Variants in DENND1A observed in about 807,000 individuals in gnomAD.
DENND1A encodes DENN domain containing 1A.
A neutral mutation model predicts 113.7 loss-of-function variants in DENND1A; 51 were observed. That is an observed-to-expected ratio of 0.45 (90% CI 0.36 to 0.57). The LOEUF (loss-of-function observed/expected upper bound fraction) is 0.57. Ranked by LOEUF, DENND1A falls within the 20% of genes least tolerant of loss-of-function variation. DENND1A has a pLI of 0.00. For synonymous variants in DENND1A, 565 were observed against 570.8 expected, an observed-to-expected ratio of 0.99 and a Z score of 0.14; for missense variants, 1,258 against 1,395.9, an observed-to-expected ratio of 0.90 and a Z score of 1.57.
chr9:123,488,765 G>T (rs183198890), intron 13 of DENND1A, among the ~76,000 whole-genome samples: 3 of 152,298 alleles, frequency 2.0e-5, no homozygotes, highest in Admixed American at 2.0e-4. Context: ...TCCTCTGGGG[G>T]AGAGATGCTC....
intron 5 of DENND1A, among the ~76,000 whole-genome samples, chr9:123,682,917 C>A (rs2064562373): frequency 6.6e-6 from 1 of 152,140 alleles, no homozygotes; most frequent in African/African-American, 2.4e-5. Context: ...ATGTGGTCAA[C>A]CAGAATGGGC....
intron 13 of DENND1A, among the ~76,000 whole-genome samples, chr9:123,557,339 T>C (rs1310493297): frequency 1.3e-5 from 2 of 152,116 alleles, no homozygotes; most frequent in East Asian, 1.9e-4. Context: ...TCTAGGGTGG[T>C]GCACAGGGCA....
intron 5 of DENND1A, among the ~76,000 whole-genome samples, chr9:123,698,676 G>A (rs1031256978): frequency 2.0e-5 from 3 of 152,146 alleles, no homozygotes; most frequent in Non-Finnish European, 2.9e-5. Context: ...CCTTAGATTC[G>A]TTCCCCAGAA....
intron 12 of DENND1A, among the ~76,000 whole-genome samples, chr9:123,563,872 A>G (rs994027125): frequency 5.9e-5 from 9 of 152,160 alleles, no homozygotes; most frequent in African/African-American, 2.2e-4. Flanking sequence ...AACCTGGGAT[A>G]TTCTTTATCG....
intron 21 of DENND1A, among the ~76,000 whole-genome samples, chr9:123,394,294 C>G (rs1179838840): frequency 6.6e-6 from 1 of 152,116 alleles, no homozygotes; most frequent in Non-Finnish European, 1.5e-5. Context: ...TAATCCTGAG[C>G]ATGGGAGAGG....
intron 5 of DENND1A, among the ~76,000 whole-genome samples, chr9:123,700,858 A>C (rs2065844712): frequency 6.6e-6 from 1 of 152,238 alleles, no homozygotes; most frequent in African/African-American, 2.4e-5. Flanking sequence ...ATCTATTTAG[A>C]TCTTTTTAAA....
intron 2 of DENND1A, among the ~76,000 whole-genome samples, chr9:123,826,056 T>C (rs1160565820): frequency 6.6e-6 from 1 of 152,244 alleles, no homozygotes; most frequent in African/African-American, 2.4e-5. Context: ...CAAAAGGTAC[T>C]GTAGGAATGT....
At chr9:123,675,141 A>G (rs2063994912) in intron 6 of DENND1A, among the ~76,000 whole-genome samples, 2 of 152,310 alleles carry the variant, frequency 1.3e-5, no homozygotes, top group Non-Finnish European at 2.9e-5. Flanking sequence ...CGTTTCTATT[A>G]GTTATTCCTT....
At chr9:123,550,864 C>T (rs180807055) in intron 13 of DENND1A, among the ~76,000 whole-genome samples, 3 of 152,322 alleles carry the variant, frequency 2.0e-5, no homozygotes, top group East Asian at 3.9e-4. Flanking sequence ...AAAGGACCCT[C>T]GGCCTAGCAA....
At chr9:123,505,922 C>T (rs1431463391) in intron 13 of DENND1A, among the ~76,000 whole-genome samples, 1 of 152,126 alleles carries the variant, frequency 6.6e-6, no homozygotes, top group Admixed American at 6.5e-5. Flanking sequence ...GCCCTGTGAT[C>T]AAGAGGAGCA....
At chr9:123,797,651 C>G (rs1028439188) in intron 2 of DENND1A, among the ~76,000 whole-genome samples, 2 of 152,070 alleles carry the variant, frequency 1.3e-5, no homozygotes, top group South Asian at 2.1e-4. Context: ...ATACCTGACT[C>G]ATTAGGTTAG....
At chr9:123,886,935 G>C (rs1849184652) in intron 1 of DENND1A, among the ~76,000 whole-genome samples, 2 of 152,158 alleles carry the variant, frequency 1.3e-5, no homozygotes, top group Admixed American at 6.5e-5. Context: ...GAGTCACAAA[G>C]GTTTACCTTC....
intron 13 of DENND1A, among the ~76,000 whole-genome samples, chr9:123,509,551 T>C (rs187702119): frequency 1.3e-5 from 2 of 152,334 alleles, no homozygotes; most frequent in South Asian, 2.1e-4. Flanking sequence ...CACAGATGGA[T>C]GGCACATCCC....
At chr9:123,570,845 G>A (rs1266213236) in intron 12 of DENND1A, among the ~76,000 whole-genome samples, 6 of 152,152 alleles carry the variant, frequency 3.9e-5, no homozygotes, top group Non-Finnish European at 5.9e-5. Flanking sequence ...AGAATATCTC[G>A]AGAGTCTGAG....
chr9:123,756,172 A>G (rs2070524186), intron 5 of DENND1A, among the ~76,000 whole-genome samples: 1 of 152,180 alleles, frequency 6.6e-6, no homozygotes, highest in Non-Finnish European at 1.5e-5. Flanking sequence ...TCAGCGTCCC[A>G]AAGTGCTAGG....
At chr9:123,719,939 C>T (rs939116182) in intron 5 of DENND1A, among the ~76,000 whole-genome samples, 4 of 152,144 alleles carry the variant, frequency 2.6e-5, no homozygotes, top group African/African-American at 9.7e-5. Flanking sequence ...GGATGCTCAA[C>T]CTGTAGCAAA....
chr9:123,867,779 G>T (rs1419997271), intron 2 of DENND1A, among the ~76,000 whole-genome samples: 1 of 152,036 alleles, frequency 6.6e-6, no homozygotes, highest in Non-Finnish European at 1.5e-5. Context: ...CAAAAGTCAT[G>T]GTTATTGGTT....
At chr9:123,414,258 C>A in intron 19 of DENND1A, 1 of 1,294,892 alleles carries the variant, frequency 7.7e-7, no homozygotes, top group South Asian at 1.8e-5. Context: ...TAGGAAGATT[C>A]AACGAGATGA....
chr9:123,690,129 GGAA>G (rs1389339082), intron 5 of DENND1A, among the ~76,000 whole-genome samples: 2 of 99,796 alleles, frequency 2.0e-5, no homozygotes, highest in Non-Finnish European at 4.0e-5. Flanking sequence ...GAGGGAGGGG[GGAA>G]GAAGGAAAGG....
Sources: allele counts gnomAD v4.1 joint callset (sites outside exome capture counted in the v4.1 genomes callset), GRCh38; gene constraint gnomAD v4.1.1; transcripts MANE v1.5; gene names NCBI Gene and HGNC (gene_info 2026-07-23, HGNC 2026-07-21).